Variants in MTOR observed in about 807,000 individuals in gnomAD.
The protein encoded by MTOR is mechanistic target of rapamycin kinase.
A neutral mutation model predicts 319.8 loss-of-function variants in MTOR; 70 were observed. The observed-to-expected ratio is 0.22, with a 90% CI of 0.18 to 0.27. The LOEUF (loss-of-function observed/expected upper bound fraction) is 0.27. Among genes scored for constraint, MTOR ranks in the 10% least tolerant of loss-of-function variants. The pLI is 1.00. For missense variants in MTOR, 1,890 were observed against 3,274.4 expected (o/e 0.58, Z 10.32); for synonymous variants, 1,183 against 1,211.4 (o/e 0.98, Z 0.49).
rs774271585 is a variant in MTOR at position 11,132,966 on chromosome 1, G to GT, written c.5364+113dup. On this transcript the variant is annotated intron_variant, in intron 38 of 57. Transcript: ENST00000361445. ...TAGATAGGCTCCAGGGACTCAAGGA[G>GT]TAAGTTCACAGCATCAGCCTAGCTC... 3.5e-6 allele frequency: 3 copies of GT among 854,716 alleles called. No homozygotes were observed. The Admixed American group carries it at 6.0e-5, about 17-fold the overall frequency. 52.9% of individuals were successfully genotyped at this position (854,716 alleles called of 1,614,324 possible).
At chr1:11,176,175 T>G (rs144429019) in intron 28 of MTOR, among the ~76,000 whole-genome samples, 100 of 152,296 alleles carry the variant, frequency 6.6e-4, no homozygotes, top group African/African-American at 2.2e-3. Flanking sequence ...AAGAGAAACC[T>G]GGAGAACATT....
chr1:11,187,923 T>C (rs117709539), intron 28 of MTOR, among the ~76,000 whole-genome samples: 74 of 152,182 alleles, frequency 4.9e-4, no homozygotes, highest in African/African-American at 1.7e-3. Context: ...CAAAGGAGGC[T>C]GGGTATGTGA....
intron 19 of MTOR, among the ~76,000 whole-genome samples, chr1:11,224,049 AAAAT>A (rs1557444268): frequency 7.3e-6 from 1 of 136,584 alleles, no homozygotes; most frequent in Non-Finnish European, 1.6e-5. Flanking sequence ...AAAATAAAAT[AAAAT>A]AAAATAAAAT....
At chr1:11,235,346 C>T (rs573881575) in intron 13 of MTOR, among the ~76,000 whole-genome samples, 3 of 152,230 alleles carry the variant, frequency 2.0e-5, no homozygotes, top group South Asian at 2.1e-4. Context: ...CGGCCAGGCA[C>T]GGTGGCTCAT....
intron 25 of MTOR, 91 bp from the exon 26 acceptor site, chr1:11,204,794 G>A: frequency 7.3e-7 from 1 of 1,378,300 alleles, no homozygotes; most frequent in African/African-American, 1.5e-5. Context: ...TCTACTTTTA[G>A]ATTTATAAAA....
Position 11,151,510 on chromosome 1 carries a change from T to C in MTOR, c.4470-1284A>G, listed in dbSNP as rs1458297209. 3.3e-5 allele frequency among the ~76,000 whole-genome samples: 5 copies of C among 152,198 alleles called. No homozygotes were observed. The South Asian group carries it at 1.0e-3, about 32-fold the overall frequency. On this transcript the variant is annotated intron_variant, in intron 30 of 57. Coordinates refer to ENST00000361445, the MANE Select transcript of MTOR (RefSeq NM_004958.4). ...GAGCAGTAGTTCTCAAACTACTAAG[T>C]GCATCAGAATCCCCTGGAAGGCTCC...
rs374399406 is a variant in MTOR at position 11,128,860 on chromosome 1, G to A, written c.5806C>T (p.Leu1936=). Residue 1936 remains leucine, a synonymous_variant, in exon 41 of 58, where the codon CTA becomes TTA. Transcript: ENST00000361445. This position sits in a 1 kb window ranked among gnomAD's most constrained non-coding sequence, Gnocchi z 5.3. The stretch of plus-strand genomic sequence containing the variant: ...CTGTAACCAAGTATCCTCACCTGTA[G>A]CCAGGTATCAATCTGGATGGCTTTC... ...GVKAIQIDTW[L]QVIPQLIARI... The A allele has an allele frequency of 2.7e-5, 43 of 1,611,914 alleles. No individual in the cohort carries two copies. In the South Asian group the frequency reaches 3.6e-4, roughly 14 times the overall value.
rs1330485458 is a variant in MTOR, at chr1:11,212,958, C to A, written c.3286-50G>T. ...TGATGAATAGTCAGGTCCCAAGTAT[C>A]TAAGGACACGCAGCGGGTGGTGGTG... On this transcript the variant is annotated intron_variant, in intron 21 of 57. Transcript: ENST00000361445. The surrounding 1 kb of genome is among the most constrained non-coding windows in gnomAD (Gnocchi z 4.1). The A allele has an allele frequency of 3.5e-6, 5 of 1,429,930 alleles. No individual in the cohort carries two copies. Among genetic ancestry groups the A allele is most frequent in the Non-Finnish European group, 4.9e-6 (5 of 1,013,354 alleles). 88.6% of individuals were successfully genotyped at this position (1,429,930 alleles called of 1,614,324 possible).
Position 11,212,699 on chromosome 1 carries a change from A to C in MTOR, c.3398+97T>G, listed in dbSNP as rs564399121. On this transcript the variant is annotated intron_variant, in intron 22 of 57. Transcript: ENST00000361445. This position sits in a 1 kb window ranked among gnomAD's most constrained non-coding sequence, Gnocchi z 4.1. The stretch of plus-strand genomic sequence containing the variant: ...TAAAATAATGTGAGTTGAAATAACA[A>C]AAAAAATAGAAAGATGGCCTGGGAA... 2 of 1,237,552 alleles carry C rather than the reference A, an allele frequency of 1.6e-6. No individual in the cohort carries two copies. The highest frequency in any genetic ancestry group is 3.0e-5 in the African/African-American group (2 of 66,334). The allele number at this position is 1,237,552 out of a possible 1,614,324, so 76.7% of individuals were successfully genotyped here.
At chr1:11,198,933 C>T (rs776276776) in intron 28 of MTOR, among the ~76,000 whole-genome samples, 2 of 152,202 alleles carry the variant, frequency 1.3e-5, no homozygotes, top group Non-Finnish European at 2.9e-5. Flanking sequence ...CTAGACAGCG[C>T]TATCTAACCC....
At chr1:11,146,174 C>T (rs891975489) in intron 32 of MTOR, among the ~76,000 whole-genome samples, 3 of 152,208 alleles carry the variant, frequency 2.0e-5, no homozygotes, top group African/African-American at 7.2e-5. Flanking sequence ...ATCATTTACC[C>T]GGGCACCTCA....
intron 28 of MTOR, chr1:11,194,432 T>C (rs1645694481): frequency 6.2e-7 from 1 of 1,611,284 alleles, no homozygotes; most frequent in Non-Finnish European, 8.5e-7. Flanking sequence ...CCTGCTGCAC[T>C]TTCTTTAAGG....
intron 16 of MTOR, among the ~76,000 whole-genome samples, chr1:11,231,682 C>T (rs1003408064): frequency 6.6e-6 from 1 of 152,222 alleles, no homozygotes; most frequent in Non-Finnish European, 1.5e-5. Flanking sequence ...AAAGAAAACA[C>T]ATCATTCTTC....
chr1:11,197,161 G>A (rs962534945), intron 28 of MTOR, among the ~76,000 whole-genome samples: 5 of 152,144 alleles, frequency 3.3e-5, no homozygotes, highest in Admixed American at 1.3e-4. Flanking sequence ...ATCCCTTACT[G>A]CAAAGCGATG....
rs1647112196 is a variant in MTOR, at chr1:11,234,053, G to C, written c.2331+90C>G. 1.9e-6 allele frequency: 3 copies of C among 1,576,200 alleles called. No individual in the cohort carries two copies. The African/African-American group carries it at 4.0e-5, about 21-fold the overall frequency. On this transcript the variant is annotated intron_variant, in intron 14 of 57. Transcript: ENST00000361445. ...GCAAAGAAATCACCTACTTTGTTCA[G>C]TGTACTAGTGAACACTGAAACACTC...
chr1:11,146,840 G>A, intron 31 of MTOR, 49 bp from the exon 32 acceptor site: 4 of 1,362,242 alleles, frequency 2.9e-6, no homozygotes, highest in Non-Finnish European at 2.1e-6. Context: ...TGGCTGGTTG[G>A]GCTAAAGGCA....
At position 11,128,823 on chromosome 1, in the gene MTOR, A is replaced by G. The variant is rs1182943160; in HGVS notation, c.5811+32T>C. On this transcript the variant is annotated intron_variant, in intron 41 of 57. Coordinates refer to ENST00000361445, the MANE Select transcript of MTOR (RefSeq NM_004958.4). This position sits in a 1 kb window ranked among gnomAD's most constrained non-coding sequence, Gnocchi z 5.3. ...GGAGACACACAGAAGAGAGACTTGGAGCCACCTTCACCTGTAACCAAGTAT... is the reference window on the plus strand; with the variant it reads ...GGAGACACACAGAAGAGAGACTTGGGGCCACCTTCACCTGTAACCAAGTAT... The G allele has an allele frequency of 6.4e-7, 1 of 1,561,360 alleles. No homozygotes were observed. Among genetic ancestry groups the G allele is most frequent in the Middle Eastern group, 1.7e-4 (1 of 5,944 alleles).
chr1:11,219,569 T>C (rs1021789420), intron 19 of MTOR, among the ~76,000 whole-genome samples: 1 of 152,200 alleles, frequency 6.6e-6, no homozygotes, highest in Admixed American at 6.5e-5. Context: ...GAAAGCCCAG[T>C]TGAATATGCT....
At chr1:11,154,444 AAAAT>A (rs1473317331) in intron 30 of MTOR, among the ~76,000 whole-genome samples, 2 of 152,008 alleles carry the variant, frequency 1.3e-5, no homozygotes, top group Admixed American at 6.5e-5. Context: ...TAAAAAAATA[AAAAT>A]AAATAAAAAT....
Sources: gnomAD v4.1 joint callset for allele counts (sites outside exome capture counted in the v4.1 genomes callset) on GRCh38, gnomAD v4.1.1 for gene constraint, Gnocchi (gnomAD v3.1) non-coding constraint, MANE v1.5 for transcripts, NCBI Gene and HGNC (gene_info 2026-07-23, HGNC 2026-07-21) for gene names.